Variants in RSRP1 observed in about 807,000 individuals in gnomAD.
The protein encoded by RSRP1 is arginine/serine-rich protein 1.
A neutral mutation model predicts 33.0 loss-of-function variants in RSRP1; 37 were observed. That is an observed-to-expected ratio of 1.12 (90% CI 0.86 to 1.48). The LOEUF (loss-of-function observed/expected upper bound fraction) is 1.48. Among genes scored for constraint, RSRP1 ranks in the 40% most tolerant of loss-of-function variants. The pLI, the probability that RSRP1 is intolerant of heterozygous loss-of-function variation, is 0.00. For missense variants in RSRP1, 402 were observed against 385.3 expected (o/e 1.04, Z -0.36); for synonymous variants, 167 against 158.7 (o/e 1.05, Z -0.40).
rs201090487 is a variant in RSRP1, at chr1:25,246,771, G to A, written c.193C>T (p.Arg65Cys). The change falls in exon 2 of 5, where the codon CGT (arginine) becomes TGT (cysteine). Residue 65 changes from arginine (R) to cysteine (C), a missense_variant. Transcript: ENST00000243189. ...SRSRRSKSRS[R>C]SRRRHQRKYR... ...TTCCGCTGGTGGCGCCTTCGGGAAC[G>A]GGACCTGGACTTGCTCCTCCGACTC... 9 of 1,611,444 alleles carry A rather than the reference G, an allele frequency of 5.6e-6. No individual in the cohort carries two copies. In the Middle Eastern group the frequency reaches 5.0e-4, roughly 89 times the overall value.
rs1222900619 is a variant in RSRP1, at chr1:25,289,997, T to C, written c.-66-42968A>G. ...GTGCTAGACACACCGATAGGAAGAA[T>C]ACTCCTTCACATCCCCAGGACACCA... On this transcript the variant is annotated intron_variant, in intron 1 of 1. Coordinates refer to the RSRP1 transcript ENST00000561867. Among the ~76,000 whole-genome samples the C allele has an allele frequency of 4.7e-5, 6 of 128,272 alleles. 3 individuals are homozygous for C. The highest frequency in any genetic ancestry group is 1.1e-4 in the Non-Finnish European group (6 of 54,618). 84.2% of individuals were successfully genotyped at this position (128,272 alleles called of 152,430 possible). A position where few individuals can be genotyped will look rare whatever the true frequency, so the allele number is the denominator to read the frequency against.
In RSRP1 at chr1:25,290,685, T is replaced by C. The variant is rs201703675; in HGVS notation, c.-66-43656A>G. 80 of 1,378,276 alleles carry C rather than the reference T, an allele frequency of 5.8e-5. 15 individuals carry two copies. The highest frequency in any genetic ancestry group is 1.8e-4 in the Admixed American group (10 of 55,976). 85.4% of individuals were successfully genotyped at this position (1,378,276 alleles called of 1,614,324 possible). A position where few individuals can be genotyped will look rare whatever the true frequency, so the allele number is the denominator to read the frequency against. On this transcript the variant is annotated intron_variant, in intron 1 of 1. Coordinates refer to the RSRP1 transcript ENST00000561867. ...AGTGCTTTGTCGGTGCTGATCTCAG[T>C]GGATGCTGTCTTGGGGAAGGTCAAC...
At chr1:25,274,734 A>G (rs1228020703) in intron 1 of RSRP1, among the ~76,000 whole-genome samples, 1 of 134,000 alleles carries the variant, frequency 7.5e-6, no homozygotes, top group African/African-American at 2.5e-5. Flanking sequence ...GGGCCGGGCG[A>G]CGTGGCTCAC....
At chr1:25,245,415 C>G in intron 2 of RSRP1, 114 bp from the exon 3 acceptor site, 1 of 1,351,610 alleles carries the variant, frequency 7.4e-7, no homozygotes, top group Non-Finnish European at 9.8e-7. Flanking sequence ...TATATTAAGT[C>G]ACTTGTTTTA....
chr1:25,297,727 T>C (rs1196666127), intron 1 of RSRP1, among the ~76,000 whole-genome samples: 1 of 132,318 alleles, frequency 7.6e-6, no homozygotes, highest in Non-Finnish European at 1.8e-5. Context: ...TAAGGATTAA[T>C]GAGAACTCCC....
intron 1 of RSRP1, chr1:25,290,839 G>A (rs763512360): frequency 1.5e-6 from 2 of 1,362,242 alleles, no homozygotes; most frequent in Non-Finnish European, 2.1e-6. Context: ...AGGGCCAAAA[G>A]CTCCATTTGG....
rs1264597226 is a variant in RSRP1 at position 25,333,842 on chromosome 1, C to T, written c.-67+4136G>A. ...CTCCCCCTTATAGAGCCATCAGATC[C>T]TGTTAGACTTATCACTATCACGAGA... On this transcript the variant is annotated intron_variant, in intron 1 of 1. Transcript: ENST00000561867. Among the ~76,000 whole-genome samples, 3 of 130,768 alleles carry T rather than the reference C, an allele frequency of 2.3e-5. 1 individual carries two copies. Among genetic ancestry groups the T allele is most frequent in the Non-Finnish European group, 5.4e-5 (3 of 55,482 alleles). The allele number at this position is 130,768 out of a possible 152,430, so 85.8% of individuals were successfully genotyped here.
rs1294758005 is a variant in RSRP1 at position 25,312,623 on chromosome 1, A to G, written c.-67+25355T>C. Among the ~76,000 whole-genome samples, 12 of 128,924 alleles carry G rather than the reference A, an allele frequency of 9.3e-5. 3 individuals carry two copies. The highest frequency in any genetic ancestry group is 2.1e-4 in the African/African-American group (8 of 37,964). 84.6% of individuals were successfully genotyped at this position (128,924 alleles called of 152,430 possible). A position where few individuals can be genotyped will look rare whatever the true frequency, so the allele number is the denominator to read the frequency against. On this transcript the variant is annotated intron_variant, in intron 1 of 1. Transcript: ENST00000561867. Reference sequence around the variant, plus strand: ...AAATTAGCCAGGTATTGTGGCATATACCTGTAATTCTAGCTACTCAGGAGG... The same window carrying G: ...AAATTAGCCAGGTATTGTGGCATATGCCTGTAATTCTAGCTACTCAGGAGG...
chr1:25,299,318 G>T lies in RSRP1; in HGVS notation c.-67+38660C>A, dbSNP rs1383037146. Among the ~76,000 whole-genome samples, 12 of 130,766 alleles carry T rather than the reference G, an allele frequency of 9.2e-5. 2 individuals are homozygous for T. Among genetic ancestry groups the T allele is most frequent in the South Asian group, 2.3e-4 (1 of 4,328 alleles). The allele number at this position is 130,766 out of a possible 152,430, so 85.8% of individuals were successfully genotyped here. A position where few individuals can be genotyped will look rare whatever the true frequency, so the allele number is the denominator to read the frequency against. ...AATCGCTTGAACCCAACGGGTGGAGGTTGCAGTGAGCCAAGATGGCACCAG... is the reference window on the plus strand; with the variant it reads ...AATCGCTTGAACCCAACGGGTGGAGTTTGCAGTGAGCCAAGATGGCACCAG... On this transcript the variant is annotated intron_variant, in intron 1 of 1. Transcript: ENST00000561867.
chr1:25,269,745 G>T (rs1640437084), intron 1 of RSRP1, among the ~76,000 whole-genome samples: 1 of 132,556 alleles, frequency 7.5e-6, no homozygotes, highest in African/African-American at 2.6e-5. Flanking sequence ...AATCTGTTGG[G>T]AGAGGCCAAC....
intron 1 of RSRP1, among the ~76,000 whole-genome samples, chr1:25,261,971 C>CA: frequency 6.6e-6 from 1 of 152,098 alleles, no homozygotes; most frequent in Non-Finnish European, 1.5e-5. Context: ...CTCGGCCTCC[C>CA]AAAGTGCTGG....
At chr1:25,279,483 C>G (rs528336080) in intron 1 of RSRP1, among the ~76,000 whole-genome samples, 2,160 of 122,892 alleles carry the variant, frequency 0.018, 343 homozygotes, top group African/African-American at 0.058. Flanking sequence ...AATGGTTAAA[C>G]CTAGGTAGGT....
At chr1:25,299,725 A>C (rs1643233340) in intron 1 of RSRP1, among the ~76,000 whole-genome samples, 1 of 132,584 alleles carries the variant, frequency 7.5e-6, no homozygotes, top group South Asian at 2.3e-4. Flanking sequence ...TTCTGAGCAG[A>C]GGAGTAACAT....
intron 1 of RSRP1, among the ~76,000 whole-genome samples, chr1:25,270,934 C>T (rs1640484040): frequency 7.7e-6 from 1 of 130,006 alleles, no homozygotes; most frequent in African/African-American, 2.6e-5. Flanking sequence ...TTTTTCTATG[C>T]GTGTGCTAAC....
chr1:25,247,855 G>C (rs908581079), upstream of RSRP1: 2 of 152,436 alleles, frequency 1.3e-5, no homozygotes, highest in Admixed American at 1.3e-4. Context: ...GGCTGGAGAG[G>C]GCTCGCAGCC....
In RSRP1 at chr1:25,277,737, C is replaced by T. The variant is rs368435585; in HGVS notation, c.-66-30708G>A. ...TATTGCCCAGGGGAGTGCAGTGGTGCGATCTTGGCTCACCGCAACCTCCAC... is the reference window on the plus strand; with the variant it reads ...TATTGCCCAGGGGAGTGCAGTGGTGTGATCTTGGCTCACCGCAACCTCCAC... On this transcript the variant is annotated intron_variant, in intron 1 of 1. Coordinates refer to the RSRP1 transcript ENST00000561867. 1.8e-4 allele frequency among the ~76,000 whole-genome samples: 22 copies of T among 122,228 alleles called. 5 individuals are homozygous for T. Among genetic ancestry groups the T allele is most frequent in the African/African-American group, 3.3e-4 (12 of 36,144 alleles). The allele number at this position is 122,228 out of a possible 152,430, so 80.2% of individuals were successfully genotyped here.
At chr1:25,305,905 A>G (rs776270116) in intron 1 of RSRP1, among the ~76,000 whole-genome samples, 1 of 131,672 alleles carries the variant, frequency 7.6e-6, no homozygotes, top group Non-Finnish European at 1.8e-5. Context: ...CCCAACCTGG[A>G]TTTTTATTCT....
chr1:25,269,739 T>C (rs1400700149), intron 1 of RSRP1, among the ~76,000 whole-genome samples: 1 of 132,828 alleles, frequency 7.5e-6, no homozygotes, highest in African/African-American at 2.6e-5. Context: ...TTGACAAATC[T>C]GTTGGGAGAG....
chr1:25,331,803 G>A (rs1159124081), intron 1 of RSRP1, among the ~76,000 whole-genome samples: 5 of 91,928 alleles, frequency 5.4e-5, no homozygotes, highest in African/African-American at 1.5e-4. Context: ...GCAGTGGCGC[G>A]ATCTCGGCTC....
Sources: gnomAD v4.1 joint callset for allele counts (sites outside exome capture counted in the v4.1 genomes callset) on GRCh38, gnomAD v4.1.1 for gene constraint, MANE v1.5 for transcripts, NCBI Gene and HGNC (gene_info 2026-07-23, HGNC 2026-07-21) for gene names.